CFAP70: variants seen among roughly 807,000 people sequenced by gnomAD.
CFAP70 encodes cilia- and flagella-associated protein 70.
In CFAP70, 81 loss-of-function variants were observed where a neutral mutation model predicts 137.6. The observed-to-expected ratio is 0.59, with a 90% CI of 0.49 to 0.71. The LOEUF (loss-of-function observed/expected upper bound fraction) is 0.71. Among genes scored for constraint, CFAP70 ranks in the 30% least tolerant of loss-of-function variants. The pLI, the probability that CFAP70 is intolerant of heterozygous loss-of-function variation, is 0.00. For missense variants in CFAP70, 976 were observed against 1,226.7 expected, an observed-to-expected ratio of 0.80 and a Z score of 3.05; for synonymous variants, 382 against 423.6, an observed-to-expected ratio of 0.90 and a Z score of 1.20.
chr10:73,335,047 ATTT>A (rs767787442), intron 7 of CFAP70, among the ~76,000 whole-genome samples: 33 of 143,002 alleles, frequency 2.3e-4, no homozygotes, highest in Non-Finnish European at 3.9e-4. Context: ...CACCAAACTA[ATTT>A]CTTCTTCTTC....
chr10:73,292,074 A>G, intron 16 of CFAP70, 60 bp from the exon 18 acceptor site: 1 of 1,584,424 alleles, frequency 6.3e-7, no homozygotes, highest in Non-Finnish European at 8.6e-7. Context: ...TGCATACGAC[A>G]TCACATGGTA....
intron 25 of CFAP70, among the ~76,000 whole-genome samples, chr10:73,265,022 T>C (rs1446396833): frequency 6.6e-6 from 1 of 152,172 alleles, no homozygotes; most frequent in Non-Finnish European, 1.5e-5. Flanking sequence ...CTCTGCTTCT[T>C]TTTGCACTAA....
chr10:73,338,556 G>A (rs1354674177), intron 6 of CFAP70, among the ~76,000 whole-genome samples: 6 of 149,936 alleles, frequency 4.0e-5, no homozygotes, highest in South Asian at 2.1e-4. Flanking sequence ...TCAGCCTCCC[G>A]AGTAGCTGAG....
At chr10:73,297,702 T>C (rs2048644361) in intron 14 of CFAP70, among the ~76,000 whole-genome samples, 1 of 152,246 alleles carries the variant, frequency 6.6e-6, no homozygotes, top group Non-Finnish European at 1.5e-5. Context: ...CTTAAAATGC[T>C]GTACAAATAT....
exon 6 of CFAP70, chr10:73,341,556 T>C (rs1429458882): frequency 6.2e-7 from 1 of 1,613,798 alleles, no homozygotes; most frequent in African/African-American, 1.3e-5. Flanking sequence ...CAGAGTTCCA[T>C]TCTTAAATAA....
intron 22 of CFAP70, chr10:73,274,829 T>C (rs2046575817): frequency 2.0e-6 from 1 of 489,600 alleles, no homozygotes; most frequent in Admixed American, 3.9e-5. Context: ...CAAAGCCATT[T>C]TGGGTGTGGA....
At chr10:73,278,840 G>A (rs573147637) in intron 19 of CFAP70, among the ~76,000 whole-genome samples, 3 of 152,144 alleles carry the variant, frequency 2.0e-5, no homozygotes, top group Admixed American at 1.3e-4. Context: ...AGTTAGCCGG[G>A]CACGGTGGCA....
chr10:73,291,719 C>T (rs1160166893), exon 18 of CFAP70: 28 of 1,614,038 alleles, frequency 1.7e-5, no homozygotes, highest in Non-Finnish European at 1.9e-5. Context: ...GCTCATAGTT[C>T]TCCAACAGGA....
rs149961949 is a variant in CFAP70, at chr10:73,311,474, A to G, written c.1164+360T>C. Among the ~76,000 whole-genome samples, 799 of 152,354 alleles carry G rather than the reference A, an allele frequency of 5.2e-3. 4 individuals are homozygous for G. The highest frequency in any genetic ancestry group is 0.018 in the African/African-American group (765 of 41,586). On this transcript the variant is annotated intron_variant, in intron 11 of 26. Coordinates refer to ENST00000310715, the Ensembl canonical transcript of CFAP70. Reference sequence around the variant, plus strand: ...CTATTACAGCACTCATCAAAATTATATACTATGATTAGTTATATACCAGTC... The same window carrying G: ...CTATTACAGCACTCATCAAAATTATGTACTATGATTAGTTATATACCAGTC...
upstream of CFAP70, among the ~76,000 whole-genome samples, chr10:73,361,098 A>G (rs1194910961): frequency 2.0e-5 from 3 of 151,898 alleles, no homozygotes; most frequent in African/African-American, 7.2e-5. Flanking sequence ...TCCTGTGGTC[A>G]AGTGATTCTT....
chr10:73,347,490 G>A (rs1200768413), intron 4 of CFAP70, among the ~76,000 whole-genome samples: 1 of 152,172 alleles, frequency 6.6e-6, no homozygotes, highest in African/African-American at 2.4e-5. Context: ...AGGCAGATTT[G>A]AGGACTGGTT....
intron 19 of CFAP70, among the ~76,000 whole-genome samples, chr10:73,278,891 G>A (rs1048683934): frequency 6.7e-6 from 1 of 149,952 alleles, no homozygotes; most frequent in Non-Finnish European, 1.5e-5. Flanking sequence ...TGAGGCAGGA[G>A]AATGGCGTGA....
chr10:73,315,110 C>T (rs142646728), intron 9 of CFAP70, among the ~76,000 whole-genome samples: 6 of 150,606 alleles, frequency 4.0e-5, no homozygotes, highest in Non-Finnish European at 8.8e-5. Context: ...TCCAGTTACT[C>T]AGGAGGCTAA....
chr10:73,273,130 A>T (rs959965121), intron 23 of CFAP70, 113 bp from the exon 25 acceptor site: 12 of 839,426 alleles, frequency 1.4e-5, no homozygotes, highest in Non-Finnish European at 2.2e-5. Context: ...AAGTTAAGCA[A>T]GTCCTTTAAT....
At chr10:73,358,286 G>A (rs1271822717) in intron 1 of CFAP70, among the ~76,000 whole-genome samples, 1 of 152,220 alleles carries the variant, frequency 6.6e-6, no homozygotes, top group Non-Finnish European at 1.5e-5. Context: ...GCAAGATATA[G>A]GACTAAAGTT....
intron 19 of CFAP70, among the ~76,000 whole-genome samples, chr10:73,281,721 G>A (rs2047271766): frequency 6.6e-6 from 1 of 152,160 alleles, no homozygotes; most frequent in African/African-American, 2.4e-5. Context: ...ATTCACAGTA[G>A]TAAAGACATG....
intron 1 of CFAP70, among the ~76,000 whole-genome samples, chr10:73,356,187 C>A (rs948448104): frequency 1.3e-5 from 2 of 150,456 alleles, no homozygotes; most frequent in Non-Finnish European, 3.0e-5. Context: ...TGGAAAAGGT[C>A]TTTTATCTCT....
At chr10:73,337,497 A>G (rs2052788528) in intron 6 of CFAP70, among the ~76,000 whole-genome samples, 1 of 152,092 alleles carries the variant, frequency 6.6e-6, no homozygotes, top group Admixed American at 6.6e-5. Flanking sequence ...CAAACAAACA[A>G]AAACATTAAT....
intron 12 of CFAP70, among the ~76,000 whole-genome samples, chr10:73,303,908 T>G (rs1050249147): frequency 2.6e-5 from 4 of 152,224 alleles, no homozygotes; most frequent in Admixed American, 1.3e-4. Flanking sequence ...ATTAAAATTA[T>G]ATAACTTACA....
Sources: allele counts gnomAD v4.1 joint callset (sites outside exome capture counted in the v4.1 genomes callset), GRCh38; gene constraint gnomAD v4.1.1; transcripts MANE v1.5; gene names NCBI Gene and HGNC (gene_info 2026-07-23, HGNC 2026-07-21).